UTP20: variants seen among roughly 807,000 people sequenced by gnomAD.
The protein encoded by UTP20 is UTP20 small subunit processome component, also known as small subunit processome component 20 homolog.
In UTP20, 164 loss-of-function variants were observed where a neutral mutation model predicts 329.5. That is an observed-to-expected ratio of 0.50 (90% CI 0.44 to 0.57). UTP20 has a LOEUF of 0.57. Ranked by LOEUF, UTP20 falls within the 20% of genes least tolerant of loss-of-function variation. The pLI is 0.00. For missense variants in UTP20, 3,055 were observed against 3,284.2 expected (o/e 0.93, Z 1.71); for synonymous variants, 1,151 against 1,159.3 (o/e 0.99, Z 0.14).
At position 101,306,362 on chromosome 12, in the gene UTP20, A is replaced by G. The variant is rs542170631; in HGVS notation, c.1932+297A>G. Among the ~76,000 whole-genome samples, 5 of 152,218 alleles carry G rather than the reference A, an allele frequency of 3.3e-5. No homozygotes were observed. The East Asian group carries it at 9.6e-4, about 29-fold the overall frequency. ...AGTCTTCTAGGTGGTTCTCCTGCTCATTTAGGTATGCGGAAATACCTGAAT... is the reference window on the plus strand; with the variant it reads ...AGTCTTCTAGGTGGTTCTCCTGCTCGTTTAGGTATGCGGAAATACCTGAAT... On this transcript the variant is annotated intron_variant, in intron 16 of 61. Coordinates refer to ENST00000261637, the MANE Select transcript of UTP20 (RefSeq NM_014503.3).
intron 41 of UTP20, 102 bp from the exon 42 acceptor site, chr12:101,356,452 C>A: frequency 9.4e-7 from 1 of 1,066,038 alleles, no homozygotes; most frequent in Non-Finnish European, 1.3e-6. Flanking sequence ...TATGATCATC[C>A]ATCCTTCTAG....
chr12:101,354,253 C>G (rs1295424273), intron 40 of UTP20, among the ~76,000 whole-genome samples: 1 of 117,222 alleles, frequency 8.5e-6, no homozygotes, highest in Non-Finnish European at 1.6e-5. Context: ...CACGGCAAGA[C>G]TCTGTCTCAA....
intron 21 of UTP20, among the ~76,000 whole-genome samples, chr12:101,315,496 G>C (rs1013550590): frequency 8.6e-5 from 13 of 151,748 alleles, no homozygotes; most frequent in African/African-American, 2.7e-4. Flanking sequence ...AAAAAAAAAG[G>C]CTAGAACCAT....
chr12:101,293,711 C>G (rs1872247597), intron 11 of UTP20, among the ~76,000 whole-genome samples: 1 of 152,190 alleles, frequency 6.6e-6, no homozygotes, highest in African/African-American at 2.4e-5. Context: ...ATCTCTGTAT[C>G]TGTCCTCTCA....
At chr12:101,328,228 G>A (rs1286152858) in intron 26 of UTP20, among the ~76,000 whole-genome samples, 2 of 152,142 alleles carry the variant, frequency 1.3e-5, no homozygotes, top group East Asian at 1.9e-4. Context: ...GCCAAAAAAA[G>A]TTTCTGTTCA....
At chr12:101,293,539 A>T (rs1334074850) in intron 11 of UTP20, among the ~76,000 whole-genome samples, 1 of 152,234 alleles carries the variant, frequency 6.6e-6, no homozygotes, top group Non-Finnish European at 1.5e-5. Context: ...GCACTGGTGG[A>T]AGTTTGCAAA....
chr12:101,383,839 T>TACAC lies in UTP20; in HGVS notation c.8056+171_8056+172insCACA, dbSNP rs1260977979. The stretch of plus-strand genomic sequence containing the variant: ...ACTTATATATGTTTATATTTATATA[T>TACAC]ATACACACACACACACACACATACA... On this transcript the variant is annotated intron_variant, in intron 60 of 61. Coordinates refer to ENST00000261637, the MANE Select transcript of UTP20 (RefSeq NM_014503.3). 1.4e-4 allele frequency among the ~76,000 whole-genome samples: 21 copies of TACAC among 147,674 alleles called. No individual in the cohort carries two copies. The East Asian group carries it at 3.7e-3, about 26-fold the overall frequency.
At chr12:101,365,072 TTGTGTGTGTGTGTGTGTGTG>T (rs60890980) in intron 45 of UTP20, among the ~76,000 whole-genome samples, 2 of 141,916 alleles carry the variant, frequency 1.4e-5, no homozygotes, top group African/African-American at 2.7e-5. Context: ...ATTTTGTTGA[TTGTGTGTGTGTGTGTGTGTG>T]TGTGTGTGTG....
chr12:101,294,541 C>CT (rs1211436109), intron 11 of UTP20, among the ~76,000 whole-genome samples: 16,851 of 129,274 alleles, frequency 0.13, 2,336 homozygotes, highest in East Asian at 0.46. Context: ...TCTCGTTTTT[C>CT]TTTTTTTTTT....
At chr12:101,312,549 C>T (rs922490622) in intron 21 of UTP20, among the ~76,000 whole-genome samples, 10 of 152,236 alleles carry the variant, frequency 6.6e-5, no homozygotes, top group African/African-American at 1.7e-4. Flanking sequence ...TCAAGCGATT[C>T]TCCTGCCTCA....
At chr12:101,286,734 G>A (rs997470004) in intron 5 of UTP20, among the ~76,000 whole-genome samples, 2 of 151,640 alleles carry the variant, frequency 1.3e-5, no homozygotes, top group Admixed American at 6.6e-5. Flanking sequence ...GGCCTGACTC[G>A]GTCCCTACAG....
rs762113353 is a variant in UTP20 at position 101,356,907 on chromosome 12, T to G, written c.5535-19T>G. 73 of 1,598,556 alleles carry G rather than the reference T, an allele frequency of 4.6e-5. No individual in the cohort carries two copies. In the South Asian group the frequency reaches 8.2e-4, roughly 18 times the overall value. On this transcript the variant is annotated intron_variant, in intron 42 of 61. Coordinates refer to ENST00000261637, the MANE Select transcript of UTP20 (RefSeq NM_014503.3). ...TTCTGTTTATTTGATTAGTCATTTT[T>G]CAACTTCTCATTTTCTAGTATTTTG...
intron 45 of UTP20, among the ~76,000 whole-genome samples, chr12:101,364,295 A>AAT (rs1315817479): frequency 2.0e-5 from 3 of 152,128 alleles, no homozygotes; most frequent in African/African-American, 7.2e-5. Flanking sequence ...GTTAGGAGTA[A>AAT]ATATATATTA....
chr12:101,311,671 A>G (rs1390287814), intron 19 of UTP20, 48 bp from the exon 20 acceptor site: 2 of 1,516,216 alleles, frequency 1.3e-6, no homozygotes, highest in Non-Finnish European at 1.8e-6. Flanking sequence ...AGCAATCTTA[A>G]AATGGCCATA....
intron 21 of UTP20, among the ~76,000 whole-genome samples, chr12:101,317,184 C>T (rs1872997556): frequency 6.6e-6 from 1 of 152,146 alleles, no homozygotes; most frequent in South Asian, 2.1e-4. Context: ...AGTGGTGGTT[C>T]CAGAGACAGG....
chr12:101,339,440 C>G (rs192119584), intron 31 of UTP20, among the ~76,000 whole-genome samples: 3 of 152,256 alleles, frequency 2.0e-5, no homozygotes, highest in Admixed American at 1.3e-4. Context: ...TAAGTTAATG[C>G]AGAATTCCCT....
At chr12:101,326,614 T>C (rs1291414461) in intron 25 of UTP20, among the ~76,000 whole-genome samples, 1 of 152,152 alleles carries the variant, frequency 6.6e-6, no homozygotes, top group African/African-American at 2.4e-5. Context: ...TATTTCCTTT[T>C]AATCTATATA....
chr12:101,369,767 C>G lies in UTP20; in HGVS notation c.6431C>G (p.Pro2144Arg). The G allele has an allele frequency of 6.2e-7, 1 of 1,607,210 alleles. No individual in the cohort carries two copies. Among genetic ancestry groups the G allele is most frequent in the Non-Finnish European group, 8.5e-7 (1 of 1,173,868 alleles). ...TGCCTCATCTGGGTCTTGAGGTTCCCGCTACCTTCCATAGAAACAAAAGCA... is the reference window on the plus strand; with the variant it reads ...TGCCTCATCTGGGTCTTGAGGTTCCGGCTACCTTCCATAGAAACAAAAGCA... Reference protein sequence around the residue: ...LQCLIWVLRFPLPSIETKAEQ... With the variant: ...LQCLIWVLRFRLPSIETKAEQ... The change falls in exon 49 of 62, where the codon CCG (proline) becomes CGG (arginine). Residue 2144 changes from proline (P) to arginine (R), a missense_variant. Physicochemically the swap from Pro to Arg is moderately radical, Grantham distance 103. Coordinates refer to ENST00000261637, the MANE Select transcript of UTP20 (RefSeq NM_014503.3).
chr12:101,311,655 TC>T (rs1565790758), intron 19 of UTP20, 63 bp from the exon 20 acceptor site: 4 of 1,301,806 alleles, frequency 3.1e-6, no homozygotes, highest in Non-Finnish European at 4.2e-6. Flanking sequence ...TTTTTTTTTT[TC>T]TATGAGCAAT....
Sources: gnomAD v4.1 joint callset for allele counts (sites outside exome capture counted in the v4.1 genomes callset) on GRCh38, gnomAD v4.1.1 for gene constraint, MANE v1.5 for transcripts, NCBI Gene and HGNC (gene_info 2026-07-23, HGNC 2026-07-21) for gene names.